Variants in PHF14 observed in about 807,000 individuals in gnomAD.
The protein encoded by PHF14 is PHD finger protein 14.
PHF14 carries 55 observed loss-of-function variants against 117.9 expected under a neutral mutation model. The observed-to-expected ratio is 0.47, with a 90% confidence interval of 0.38 to 0.58. The LOEUF (loss-of-function observed/expected upper bound fraction) is 0.58, where lower values mean the gene tolerates loss of function less well. PHF14 is among the 20% of genes least tolerant of loss of function. The probability of loss-of-function intolerance (pLI) is 0.00; values close to 1 mark genes in which losing one functional copy is unlikely to be tolerated. For synonymous variants in PHF14, 409 were observed against 368.6 expected, an observed-to-expected ratio of 1.11 and a Z score of -1.26; for missense variants, 978 against 1,122.2, an observed-to-expected ratio of 0.87 and a Z score of 1.84.
At chr7:11,125,070 G>T (rs1306447034) in intron 17 of PHF14, among the ~76,000 whole-genome samples, 1 of 152,092 alleles carries the variant, frequency 6.6e-6, no homozygotes, top group Non-Finnish European at 1.5e-5. Flanking sequence ...AATAAGATCT[G>T]TGTTAGGGGA....
chr7:11,106,545 G>A (rs571538582), intron 16 of PHF14: 1,198 of 981,672 alleles, frequency 1.2e-3, no homozygotes, highest in Non-Finnish European at 1.4e-3. Context: ...TTTTGTGCAA[G>A]CTTGTATTAT....
chr7:11,091,617 T>C (rs1786643967), intron 16 of PHF14, among the ~76,000 whole-genome samples: 1 of 151,846 alleles, frequency 6.6e-6, no homozygotes, highest in Non-Finnish European at 1.5e-5. Context: ...TAGCCGAGTG[T>C]GGTGGTGGTG....
chr7:11,138,243 G>A (rs545343398), intron 17 of PHF14, among the ~76,000 whole-genome samples: 19 of 151,650 alleles, frequency 1.3e-4, no homozygotes, highest in African/African-American at 3.1e-4. Context: ...GGGTTTCACC[G>A]CGTTAGCCAG....
At chr7:11,064,686 T>C (rs1785364447) in intron 16 of PHF14, among the ~76,000 whole-genome samples, 1 of 152,062 alleles carries the variant, frequency 6.6e-6, no homozygotes, top group Non-Finnish European at 1.5e-5. Flanking sequence ...CTTGTGAATT[T>C]ATATGTATAA....
intron 13 of PHF14, among the ~76,000 whole-genome samples, chr7:11,050,922 A>G (rs1784833595): frequency 6.6e-6 from 1 of 152,164 alleles, no homozygotes; most frequent in Admixed American, 6.5e-5. Flanking sequence ...GTTGTCACTG[A>G]CTACAATTAA....
intron 16 of PHF14, among the ~76,000 whole-genome samples, chr7:11,081,011 C>A (rs1310942836): frequency 6.6e-6 from 1 of 151,924 alleles, no homozygotes; most frequent in African/African-American, 2.4e-5. Context: ...ATTTATGTAA[C>A]CAAAAGCCAT....
intron 16 of PHF14, among the ~76,000 whole-genome samples, chr7:11,077,988 A>G (rs1180831923): frequency 1.3e-5 from 2 of 152,230 alleles, no homozygotes; most frequent in African/African-American, 2.4e-5. Flanking sequence ...TCAGAATTAC[A>G]TAACCTTAGA....
chr7:11,118,596 A>G (rs763706865), intron 17 of PHF14, among the ~76,000 whole-genome samples: 55 of 151,880 alleles, frequency 3.6e-4, no homozygotes, highest in Non-Finnish European at 7.2e-4. Context: ...AGTCATCATT[A>G]TTGCCTGGTC....
chr7:10,995,654 A>T (rs993766691), intron 4 of PHF14, among the ~76,000 whole-genome samples: 1 of 152,166 alleles, frequency 6.6e-6, no homozygotes, highest in Admixed American at 6.5e-5. Context: ...CGGGGTGGGT[A>T]AGGCTCAGGC....
intron 16 of PHF14, chr7:11,063,330 T>C (rs1459637425): frequency 4.1e-6 from 4 of 983,854 alleles, no homozygotes; most frequent in African/African-American, 1.7e-5. Flanking sequence ...ACCTGAATAA[T>C]TCTGACCACA....
chr7:11,087,349 G>A (rs1786451960), intron 16 of PHF14, among the ~76,000 whole-genome samples: 1 of 151,938 alleles, frequency 6.6e-6, no homozygotes, highest in Non-Finnish European at 1.5e-5. Flanking sequence ...ACACCACCAT[G>A]CCCAGCTAAT....
intron 13 of PHF14, among the ~76,000 whole-genome samples, chr7:11,048,019 T>C (rs1784734216): frequency 6.6e-6 from 1 of 152,060 alleles, no homozygotes; most frequent in South Asian, 2.1e-4. Flanking sequence ...TTCTGTTGCA[T>C]AAATTCCTGA....
intron 10 of PHF14, among the ~76,000 whole-genome samples, chr7:11,038,550 C>A (rs142243178): frequency 2.6e-5 from 4 of 151,032 alleles, no homozygotes. Flanking sequence ...CCCACCTACT[C>A]GGGAAACTGC....
intron 11 of PHF14, among the ~76,000 whole-genome samples, chr7:11,039,767 G>T (rs1439792150): frequency 1.3e-5 from 2 of 152,188 alleles, no homozygotes; most frequent in African/African-American, 2.4e-5. Context: ...AAGAATGTGT[G>T]TGGCTTGTAT....
intron 16 of PHF14, among the ~76,000 whole-genome samples, chr7:11,096,447 G>A (rs1052420269): frequency 3.3e-5 from 5 of 151,962 alleles, no homozygotes; most frequent in African/African-American, 1.2e-4. Flanking sequence ...TTTACTTTAG[G>A]ATGTTCTTAT....
chr7:11,034,516 A>C (rs1304134283), intron 7 of PHF14, among the ~76,000 whole-genome samples: 3 of 140,628 alleles, frequency 2.1e-5, no homozygotes, highest in Non-Finnish European at 4.6e-5. Flanking sequence ...TTTTATTGAC[A>C]GGGCTTAGAA....
intron 7 of PHF14, among the ~76,000 whole-genome samples, chr7:11,030,151 T>G: frequency 6.6e-6 from 1 of 150,974 alleles, no homozygotes; most frequent in African/African-American, 2.4e-5. Flanking sequence ...GAGCATCTTC[T>G]CAGCTACTAG....
chr7:11,051,888 C>A, intron 14 of PHF14, 108 bp downstream of exon 14: 1 of 852,516 alleles, frequency 1.2e-6, no homozygotes, highest in Non-Finnish European at 1.8e-6. Context: ...AAGAAAAAGA[C>A]ATCTATTGGT....
chr7:11,003,776 G>A (rs1782966080), intron 4 of PHF14, among the ~76,000 whole-genome samples: 1 of 152,192 alleles, frequency 6.6e-6, no homozygotes, highest in African/African-American at 2.4e-5. Context: ...GAGTAGATAT[G>A]TAAAAATAGT....
Sources: allele counts gnomAD v4.1 joint callset (sites outside exome capture counted in the v4.1 genomes callset), GRCh38; gene constraint gnomAD v4.1.1; transcripts MANE v1.5; gene names NCBI Gene and HGNC (gene_info 2026-07-23, HGNC 2026-07-21).